The following GALNT18 variants were observed in gnomAD, a reference collection of about 807,000 sequenced individuals.
The protein encoded by GALNT18 is polypeptide N-acetylgalactosaminyltransferase 18, also known as GalNAc-transferase 18.
Under a neutral mutation model 69.5 loss-of-function variants are expected in GALNT18, and 44 were observed. The ratio of observed to expected loss-of-function variants is 0.63; its 90% CI spans 0.50 to 0.81. The LOEUF is 0.81. Among genes scored for constraint, GALNT18 ranks in the 40% least tolerant of loss-of-function variants. The probability of loss-of-function intolerance (pLI) is 0.00; values close to 1 mark genes in which losing one functional copy is unlikely to be tolerated. For missense variants in GALNT18, 715 were observed against 810.0 expected (o/e 0.88, Z 1.42); for synonymous variants, 364 against 318.2 (o/e 1.14, Z -1.53).
chr11:11,385,313 T>TA (rs1341301098), intron 3 of GALNT18, among the ~76,000 whole-genome samples: 1 of 150,150 alleles, frequency 6.7e-6, no homozygotes, highest in Non-Finnish European at 1.5e-5. Context: ...TTTTTTTTTT[T>TA]GAGACAGAGT....
At chr11:11,352,705 C>T in intron 6 of GALNT18, 1 of 1,614,148 alleles carries the variant, frequency 6.2e-7, no homozygotes. Flanking sequence ...TTCAGAATCT[C>T]ATACATGTAA....
chr11:11,455,593 C>G lies in GALNT18; in HGVS notation c.236-6657G>C, dbSNP rs76826338. Among the ~76,000 whole-genome samples, 644 of 152,316 alleles carry G rather than the reference C, an allele frequency of 4.2e-3. 6 individuals carry two copies. Among genetic ancestry groups the G allele is most frequent in the African/African-American group, 0.015 (616 of 41,566 alleles). Reference sequence around the variant, plus strand: ...CAAAGCTGCTAGACAGGTGGCTGTACAGATCGGAAACCAAGAAGCCAGACC... The same window carrying G: ...CAAAGCTGCTAGACAGGTGGCTGTAGAGATCGGAAACCAAGAAGCCAGACC... On this transcript the variant is annotated intron_variant, in intron 1 of 10. Transcript: ENST00000227756.
At chr11:11,514,515 G>A (rs546882738) in intron 1 of GALNT18, among the ~76,000 whole-genome samples, 1 of 152,316 alleles carries the variant, frequency 6.6e-6, no homozygotes, top group South Asian at 2.1e-4. Context: ...AGAGGAATCA[G>A]TTTTCTAAAT....
In GALNT18 at chr11:11,601,835, A is replaced by T. The variant is rs1052378963; in HGVS notation, c.235+19524T>A. Among the ~76,000 whole-genome samples the T allele has an allele frequency of 1.3e-5, 2 of 152,208 alleles. No homozygotes were observed. The highest frequency in any genetic ancestry group is 2.9e-5 in the Non-Finnish European group (2 of 68,042). On this transcript the variant is annotated intron_variant, in intron 1 of 10. Coordinates refer to ENST00000227756, the MANE Select transcript of GALNT18 (RefSeq NM_198516.3). The surrounding 1 kb of genome is among the most constrained non-coding windows in gnomAD (Gnocchi z 4.0). ...TCAATGTTATAACAAAACAACATTG[A>T]AGGAAATGACGTTATTTGAGGACCT...
At chr11:11,536,565 C>CA (rs1362514786) in intron 1 of GALNT18, among the ~76,000 whole-genome samples, 1 of 151,960 alleles carries the variant, frequency 6.6e-6, no homozygotes, top group Non-Finnish European at 1.5e-5. Flanking sequence ...CCCTTCCTGA[C>CA]ATCAGCTTCT....
chr11:11,589,236 G>T (rs1859295221), intron 1 of GALNT18, among the ~76,000 whole-genome samples: 1 of 152,200 alleles, frequency 6.6e-6, no homozygotes, highest in South Asian at 2.1e-4. Context: ...GACCAGTGAG[G>T]AAGTGGGGGG....
intron 7 of GALNT18, among the ~76,000 whole-genome samples, chr11:11,333,284 G>A (rs747343616): frequency 2.6e-5 from 4 of 152,092 alleles, no homozygotes; most frequent in Admixed American, 6.6e-5. Context: ...CCTAAGAATC[G>A]TAACAGCTAA....
intron 7 of GALNT18, among the ~76,000 whole-genome samples, chr11:11,336,757 TA>T (rs1209074161): frequency 6.6e-6 from 1 of 152,198 alleles, no homozygotes. Flanking sequence ...AGCACCTGTT[TA>T]TTATGTGTCA....
chr11:11,274,344 C>T (rs1211873311), intron 10 of GALNT18, among the ~76,000 whole-genome samples: 1 of 152,104 alleles, frequency 6.6e-6, no homozygotes, highest in Non-Finnish European at 1.5e-5. Context: ...TGTGACAGAA[C>T]CGTTCACTCT....
At chr11:11,390,360 T>C (rs1854157712) in intron 3 of GALNT18, among the ~76,000 whole-genome samples, 1 of 152,194 alleles carries the variant, frequency 6.6e-6, no homozygotes, top group African/African-American at 2.4e-5. Flanking sequence ...TTTCCTCACC[T>C]GCAGCTCTAG....
At chr11:11,468,314 G>A (rs1402081185) in intron 1 of GALNT18, among the ~76,000 whole-genome samples, 2 of 152,174 alleles carry the variant, frequency 1.3e-5, no homozygotes, top group Non-Finnish European at 2.9e-5. Flanking sequence ...GCAAGTTGTT[G>A]AGGGCTCCTG....
At position 11,591,859 on chromosome 11, in the gene GALNT18, T is replaced by C. The variant is rs1859368549; in HGVS notation, c.235+29500A>G. 6.6e-6 allele frequency among the ~76,000 whole-genome samples: 1 copy of C among 152,188 alleles called. No individual in the cohort carries two copies. Among genetic ancestry groups the C allele is most frequent in the African/African-American group, 2.4e-5 (1 of 41,442 alleles). ...AATACCCAGCTGTGATTAGATGTTA[T>C]GAAGATTTAAGGGTTTTGAGTTTGA... On this transcript the variant is annotated intron_variant, in intron 1 of 10. Coordinates refer to ENST00000227756, the MANE Select transcript of GALNT18 (RefSeq NM_198516.3). This position sits in a 1 kb window ranked among gnomAD's most constrained non-coding sequence, Gnocchi z 4.8.
At chr11:11,499,843 G>C (rs1856939147) in intron 1 of GALNT18, among the ~76,000 whole-genome samples, 1 of 152,212 alleles carries the variant, frequency 6.6e-6, no homozygotes, top group Non-Finnish European at 1.5e-5. Context: ...CAGGTGATGG[G>C]TAATGTGGAT....
At chr11:11,434,076 G>A (rs1723554619) in intron 2 of GALNT18, among the ~76,000 whole-genome samples, 1 of 152,146 alleles carries the variant, frequency 6.6e-6, no homozygotes, top group African/African-American at 2.4e-5. Flanking sequence ...GAGGAAGGCT[G>A]CAGGATAACC....
chr11:11,492,787 C>A (rs1338395701), intron 1 of GALNT18, among the ~76,000 whole-genome samples: 3 of 151,986 alleles, frequency 2.0e-5, no homozygotes, highest in Non-Finnish European at 4.4e-5. Context: ...AGGACAAATA[C>A]CTAACGTATC....
At chr11:11,327,346 G>A (rs892890512) in intron 8 of GALNT18, among the ~76,000 whole-genome samples, 165 bp from the exon 9 acceptor site, 3 of 152,230 alleles carry the variant, frequency 2.0e-5, no homozygotes, top group Admixed American at 1.3e-4. Context: ...TTTGCCTTGC[G>A]TAAAGGTGCT....
At position 11,340,056 on chromosome 11, in the gene GALNT18, G is replaced by A. The variant is rs949693930; in HGVS notation, c.1278+763C>T. ...AATGCAACATAAGCAATGAACTCTAGGCAGACAGGCTGGTAAGTGGGTTGG... is the reference window on the plus strand; with the variant it reads ...AATGCAACATAAGCAATGAACTCTAAGCAGACAGGCTGGTAAGTGGGTTGG... On this transcript the variant is annotated intron_variant, in intron 7 of 10. Transcript: ENST00000227756. The surrounding 1 kb of genome is among the most constrained non-coding windows in gnomAD (Gnocchi z 4.2). Among the ~76,000 whole-genome samples the A allele has an allele frequency of 1.3e-5, 2 of 151,564 alleles. No individual in the cohort carries two copies. The highest frequency in any genetic ancestry group is 2.9e-5 in the Non-Finnish European group (2 of 67,946).
chr11:11,525,459 C>T (rs1231084220), intron 1 of GALNT18, among the ~76,000 whole-genome samples: 4 of 151,798 alleles, frequency 2.6e-5, no homozygotes, highest in Non-Finnish European at 4.4e-5. Flanking sequence ...ATTTCAGTGG[C>T]GAAATCGGTA....
rs748036412 is a variant in GALNT18 at position 11,383,497 on chromosome 11, G to A, written c.596-4233C>T. 6.6e-6 allele frequency among the ~76,000 whole-genome samples: 1 copy of A among 152,158 alleles called. No individual in the cohort carries two copies. Among genetic ancestry groups the A allele is most frequent in the Non-Finnish European group, 1.5e-5 (1 of 68,036 alleles). On this transcript the variant is annotated intron_variant, in intron 3 of 10. Coordinates refer to ENST00000227756, the MANE Select transcript of GALNT18 (RefSeq NM_198516.3). This position sits in a 1 kb window ranked among gnomAD's most constrained non-coding sequence, Gnocchi z 5.2. The stretch of plus-strand genomic sequence containing the variant: ...AGGTGCACAGGCATTTTGTAAAACT[G>A]CCTTCCTATAGGCTTGCTGTGGAGA...
Sources: allele counts gnomAD v4.1 joint callset (sites outside exome capture counted in the v4.1 genomes callset), GRCh38; gene constraint gnomAD v4.1.1; non-coding constraint Gnocchi (gnomAD v3.1); transcripts MANE v1.5; gene names NCBI Gene and HGNC (gene_info 2026-07-23, HGNC 2026-07-21).